The following ANKRD26 variants were observed in gnomAD, a reference collection of about 807,000 sequenced individuals.
The protein encoded by ANKRD26 is ankyrin repeat domain-containing protein 26.
A neutral mutation model predicts 208.7 loss-of-function variants in ANKRD26; 141 were observed. That is an observed-to-expected ratio of 0.68 (90% CI 0.59 to 0.78). ANKRD26 has a LOEUF of 0.78. ANKRD26 is among the 30% of genes least tolerant of loss of function. The pLI, the probability that ANKRD26 is intolerant of heterozygous loss-of-function variation, is 0.00. For missense variants in ANKRD26, 1,889 were observed against 1,938.7 expected, an observed-to-expected ratio of 0.97 and a Z score of 0.48; for synonymous variants, 636 against 660.4, an observed-to-expected ratio of 0.96 and a Z score of 0.57.
chr10:27,089,461 C>A (rs889814073), intron 4 of ANKRD26, among the ~76,000 whole-genome samples: 1 of 152,138 alleles, frequency 6.6e-6, no homozygotes, highest in Non-Finnish European at 1.5e-5. Flanking sequence ...TATTGGGACC[C>A]CTATGGATTA....
At chr10:27,011,133 A>C (rs1360332825) in intron 32 of ANKRD26, among the ~76,000 whole-genome samples, 1 of 152,206 alleles carries the variant, frequency 6.6e-6, no homozygotes, top group Non-Finnish European at 1.5e-5. Context: ...TCTCTGCATT[A>C]AGATCATGAA....
At chr10:27,032,898 C>T (rs1475638885) in intron 25 of ANKRD26, among the ~76,000 whole-genome samples, 4 of 150,248 alleles carry the variant, frequency 2.7e-5, no homozygotes, top group Admixed American at 6.7e-5. Flanking sequence ...GGTGAAACCT[C>T]GTCTCTACTA....
In ANKRD26 at chr10:27,037,286, G is replaced by GA; in HGVS notation, c.2596dup (p.Ser866PhefsTer25). The GA allele has an allele frequency of 6.2e-7, 1 of 1,613,884 alleles. No individual in the cohort carries two copies. The highest frequency in any genetic ancestry group is 8.5e-7 in the Non-Finnish European group (1 of 1,179,850). ...TAACATTCTGGCATTCTGTTCTCGA[G>GA]AAAGTTGCCTCTGAGCGTCATTTCG... On this transcript the variant is annotated frameshift_variant, in exon 23 of 34. Coordinates refer to ENST00000376087, the MANE Select transcript of ANKRD26 (RefSeq NM_014915.3). LOFTEE classifies it high-confidence loss of function.
intron 28 of ANKRD26, among the ~76,000 whole-genome samples, chr10:27,023,397 A>C (rs868327578): frequency 5.4e-4 from 82 of 152,116 alleles, no homozygotes; most frequent in African/African-American, 1.9e-3. Context: ...TGAAAAAGAC[A>C]CAAAAATACA....
At chr10:27,020,667 CT>C (rs960672600) in intron 29 of ANKRD26, among the ~76,000 whole-genome samples, 209 of 152,064 alleles carry the variant, frequency 1.4e-3, no homozygotes, top group Non-Finnish European at 2.7e-3. Flanking sequence ...CCACATCTTT[CT>C]TTTTTTTGAG....
intron 21 of ANKRD26, 70 bp from the exon 22 acceptor site, chr10:27,038,124 G>T: frequency 1.6e-6 from 2 of 1,269,994 alleles, no homozygotes; most frequent in Non-Finnish European, 2.2e-6. Context: ...GTGATATGCC[G>T]CTTTGTATGT....
intron 15 of ANKRD26, among the ~76,000 whole-genome samples, chr10:27,053,717 T>C (rs1453745143): frequency 6.6e-6 from 1 of 152,174 alleles, no homozygotes; most frequent in Admixed American, 6.5e-5. Context: ...CTAGTAACAC[T>C]AGACAATACC....
chr10:27,052,184 A>G (rs964535895), intron 16 of ANKRD26: 6 of 974,840 alleles, frequency 6.2e-6, no homozygotes, highest in Non-Finnish European at 7.3e-6. Context: ...ATTAGGAAAT[A>G]ATTAAAATTC....
downstream of ANKRD26, among the ~76,000 whole-genome samples, chr10:26,972,191 T>G (rs367566633): frequency 1.4e-5 from 2 of 146,250 alleles, no homozygotes; most frequent in Admixed American, 7.0e-5. Context: ...GCCGAGATCG[T>G]GCCACTGCAC....
intron 3 of ANKRD26, among the ~76,000 whole-genome samples, chr10:26,986,801 G>A (rs2052396560): frequency 6.6e-6 from 1 of 152,254 alleles, no homozygotes; most frequent in South Asian, 2.1e-4. Flanking sequence ...AGAGGATGTG[G>A]AGAAATAGGA....
Position 27,039,977 on chromosome 10 carries a change from A to G in ANKRD26, c.2363T>C (p.Leu788Pro). 6.2e-7 allele frequency: 1 copy of G among 1,613,448 alleles called. No homozygotes were observed. The highest frequency in any genetic ancestry group is 8.5e-7 in the Non-Finnish European group (1 of 1,179,698). ...EHQKVEWERELCSLRFSLNQE... is the reference protein window; with the variant it reads ...EHQKVEWEREPCSLRFSLNQE... The stretch of plus-strand genomic sequence containing the variant: ...TAGGCTATCATACCTCAAAGAGCAC[A>G]GTTCTCGTTCCCATTCAACTTTTTG... The change falls in exon 21 of 34, where the codon CTG becomes CCG. Residue 788 changes from leucine to proline, a missense_variant. Around this residue, in one of 3 missense-constraint regions of ANKRD26, gnomAD observed 1,272 missense variants for 1,273.8 expected, o/e 1.00. Coordinates refer to ENST00000376087, the MANE Select transcript of ANKRD26 (RefSeq NM_014915.3).
In ANKRD26 at chr10:27,060,328, T is replaced by C. The variant is rs1052648782; in HGVS notation, c.1564+17A>G. ...ACGTACTTCCTTCCAAGATTAAATA[T>C]ATATTGCAACATTTACCTGCTTTGG... On this transcript the variant is annotated intron_variant, in intron 15 of 33. Transcript: ENST00000376087. The C allele has an allele frequency of 7.6e-5, 119 of 1,564,228 alleles. No homozygotes were observed. The highest frequency in any genetic ancestry group is 1.0e-4 in the Non-Finnish European group (118 of 1,135,252).
intron 16 of ANKRD26, chr10:27,051,668 G>A (rs1029056286): frequency 2.1e-5 from 21 of 985,172 alleles, no homozygotes; most frequent in African/African-American, 7.0e-5. Context: ...GGGACCCAGA[G>A]TATGAAGGAA....
At chr10:27,089,626 AC>A (rs1024226180) in intron 4 of ANKRD26, among the ~76,000 whole-genome samples, 31 of 152,252 alleles carry the variant, frequency 2.0e-4, no homozygotes, top group Middle Eastern at 3.4e-3. Flanking sequence ...ACTCATCTCT[AC>A]AAAAAATACA....
intron 17 of ANKRD26, 54 bp downstream of exon 17, chr10:27,048,747 G>A: frequency 6.5e-7 from 1 of 1,543,662 alleles, no homozygotes; most frequent in Non-Finnish European, 8.9e-7. Flanking sequence ...GTCCAAATTA[G>A]AATTTTTATA....
intron 4 of ANKRD26, among the ~76,000 whole-genome samples, 170 bp from the exon 5 acceptor site, chr10:27,086,779 T>G (rs916952464): frequency 3.5e-5 from 5 of 143,666 alleles, no homozygotes; most frequent in East Asian, 2.0e-4. Context: ...TTTTTTTTTT[T>G]TTTTTTTTTT....
chr10:26,983,467 C>T (rs1029181188), intron 3 of ANKRD26, among the ~76,000 whole-genome samples: 2 of 152,132 alleles, frequency 1.3e-5, no homozygotes, highest in Non-Finnish European at 2.9e-5. Flanking sequence ...GTACCCAATT[C>T]GTGGTATGCT....
At chr10:26,993,842 ATCTTT>A (rs2052532113) in intron 5 of ANKRD26, among the ~76,000 whole-genome samples, 1 of 152,214 alleles carries the variant, frequency 6.6e-6, no homozygotes, top group African/African-American at 2.4e-5. Flanking sequence ...TCCAGGAGGC[ATCTTT>A]TTATAATCTG....
chr10:27,096,053 C>T (rs1014200325), intron 1 of ANKRD26, among the ~76,000 whole-genome samples: 2 of 152,170 alleles, frequency 1.3e-5, no homozygotes, highest in African/African-American at 4.8e-5. Flanking sequence ...ACATTCTTTG[C>T]CAAAACAAAT....
Sources: allele counts gnomAD v4.1 joint callset (sites outside exome capture counted in the v4.1 genomes callset), GRCh38; gene constraint gnomAD v4.1.1; regional missense constraint gnomAD v4.1.1; transcripts MANE v1.5; gene names NCBI Gene and HGNC (gene_info 2026-07-23, HGNC 2026-07-21).